The following RALGPS2 variants were observed in gnomAD, a reference collection of about 807,000 sequenced individuals.
The protein encoded by RALGPS2 is Ral GEF with PH domain and SH3 binding motif 2, also known as ras-specific guanine nucleotide-releasing factor RalGPS2.
In RALGPS2, 43 loss-of-function variants were observed where a neutral mutation model predicts 86.8. The observed-to-expected ratio is 0.50, with a 90% CI of 0.39 to 0.64. The LOEUF is 0.64. RALGPS2 is among the 30% of genes least tolerant of loss of function. The pLI is 0.00. For missense variants in RALGPS2, 536 were observed against 694.6 expected (o/e 0.77, Z 2.57); for synonymous variants, 243 against 231.3 (o/e 1.05, Z -0.46).
At position 178,892,270 on chromosome 1, in the gene RALGPS2, G is replaced by C. The variant is rs1479531913; in HGVS notation, c.1288G>C (p.Ala430Pro). 12 of 1,612,710 alleles carry C rather than the reference G, an allele frequency of 7.4e-6. No homozygotes were observed. In the Middle Eastern group the frequency reaches 5.0e-4, roughly 67 times the overall value. Reference sequence around the variant, plus strand: ...TTCTCTCGGCCCGGTGACAAGAGTGGCACGAAATGGCTATCGAAGTCACAT... The same window carrying C: ...TTCTCTCGGCCCGGTGACAAGAGTGCCACGAAATGGCTATCGAAGTCACAT... The part of the protein sequence containing the change: ...YHSLGPVTRV[A>P]RNGYRSHMKA... Residue 430 changes from alanine to proline, a missense_variant, in exon 15 of 20, where the codon GCA becomes CCA. Physicochemically the swap from Ala to Pro is conservative, Grantham distance 27 (BLOSUM62 -1). This residue lies in a region of RALGPS2 where 309 missense variants were observed against 363.0 expected (regional missense o/e 0.85). Coordinates refer to ENST00000367635, the MANE Select transcript of RALGPS2 (RefSeq NM_152663.5).
intron 1 of RALGPS2, among the ~76,000 whole-genome samples, chr1:178,759,250 A>C (rs1652109384): frequency 6.6e-6 from 1 of 152,120 alleles, no homozygotes; most frequent in Non-Finnish European, 1.5e-5. Context: ...TTTTTGTATA[A>C]GGTGAGAGTT....
At chr1:178,807,737 G>A (rs1462684518) in intron 4 of RALGPS2, among the ~76,000 whole-genome samples, 2 of 152,086 alleles carry the variant, frequency 1.3e-5, no homozygotes, top group Admixed American at 6.6e-5. Context: ...TGTATGTTGT[G>A]GGATGCTCAT....
At position 178,861,450 on chromosome 1, in the gene RALGPS2, GT is replaced by G. The variant is rs547749109; in HGVS notation, c.608-16037del. ...AGGTTTAATTCTGTAGCATTCGTGGGTTTTTTTTTTTGTACTAATGCTAAGT... is the reference window on the plus strand; with the variant it reads ...AGGTTTAATTCTGTAGCATTCGTGGGTTTTTTTTTTGTACTAATGCTAAGT... On this transcript the variant is annotated intron_variant, in intron 8 of 19. Coordinates refer to ENST00000367635, the MANE Select transcript of RALGPS2 (RefSeq NM_152663.5). 9.0e-3 allele frequency among the ~76,000 whole-genome samples: 1,293 copies of G among 144,316 alleles called. 11 individuals carry two copies. Among genetic ancestry groups the G allele is most frequent in the African/African-American group, 0.028 (1,097 of 39,714 alleles). The allele number at this position is 144,316 out of a possible 152,430, so 94.7% of individuals were successfully genotyped here. A position where few individuals can be genotyped will look rare whatever the true frequency, so the allele number is the denominator to read the frequency against.
At chr1:178,820,655 C>T (rs1431614908) in intron 6 of RALGPS2, among the ~76,000 whole-genome samples, 2 of 152,136 alleles carry the variant, frequency 1.3e-5, no homozygotes, top group African/African-American at 4.8e-5. Context: ...TTTCATGTCT[C>T]ACTAGACTGA....
chr1:178,837,548 G>A (rs138444221), intron 8 of RALGPS2, among the ~76,000 whole-genome samples: 190 of 152,254 alleles, frequency 1.2e-3, no homozygotes, highest in African/African-American at 3.9e-3. Context: ...AAAAGGCAGC[G>A]GGGAGGGTTC....
intron 17 of RALGPS2, among the ~76,000 whole-genome samples, chr1:178,898,407 C>G (rs1028690295): frequency 6.6e-6 from 1 of 151,884 alleles, no homozygotes; most frequent in Non-Finnish European, 1.5e-5. Flanking sequence ...AAATTTAAGT[C>G]CTTTTTCTAC....
intron 8 of RALGPS2, among the ~76,000 whole-genome samples, chr1:178,835,754 A>T (rs796578539): frequency 1.3e-5 from 2 of 152,300 alleles, no homozygotes; most frequent in South Asian, 4.1e-4. Context: ...AGAAAGGTAG[A>T]AGACCTGGCT....
At chr1:178,900,936 A>G (rs1197114014) in intron 17 of RALGPS2, among the ~76,000 whole-genome samples, 3 of 152,006 alleles carry the variant, frequency 2.0e-5, no homozygotes, top group Non-Finnish European at 4.4e-5. Flanking sequence ...TTGAGGTGGA[A>G]GTTTTTAGGC....
At chr1:178,752,313 T>C (rs1651721725) in intron 1 of RALGPS2, among the ~76,000 whole-genome samples, 1 of 136,584 alleles carries the variant, frequency 7.3e-6, no homozygotes, top group Non-Finnish European at 1.7e-5. Context: ...CCAGCTAATT[T>C]TTAATTTTTT....
intron 8 of RALGPS2, among the ~76,000 whole-genome samples, chr1:178,845,048 G>A (rs898795088): frequency 7.3e-5 from 11 of 151,462 alleles, no homozygotes; most frequent in Non-Finnish European, 1.6e-4. Flanking sequence ...TGGGTGTGGT[G>A]GCACACGCCT....
Position 178,848,632 on chromosome 1 carries a change from A to G in RALGPS2, c.607+15082A>G, listed in dbSNP as rs567968951. ...GCAAGTGAAGATAATGGATCAATGT[A>G]ATTTCATACCCGAAAACTTGGATAT... On this transcript the variant is annotated intron_variant, in intron 8 of 19. Coordinates refer to ENST00000367635, the MANE Select transcript of RALGPS2 (RefSeq NM_152663.5). 4.6e-5 allele frequency among the ~76,000 whole-genome samples: 7 copies of G among 152,304 alleles called. No individual in the cohort carries two copies. In the South Asian group the frequency reaches 1.2e-3, roughly 27 times the overall value.
At chr1:178,871,437 A>T (rs1345997803) in intron 8 of RALGPS2, among the ~76,000 whole-genome samples, 2 of 152,220 alleles carry the variant, frequency 1.3e-5, no homozygotes, top group Non-Finnish European at 2.9e-5. Flanking sequence ...TTAACAAAGA[A>T]CAAGAGCTAG....
intron 8 of RALGPS2, among the ~76,000 whole-genome samples, chr1:178,875,518 C>T (rs963312881): frequency 2.6e-5 from 4 of 152,028 alleles, no homozygotes; most frequent in East Asian, 3.9e-4. Context: ...GAGGCTGAGG[C>T]GGGTGGATCA....
chr1:178,784,594 G>A (rs771581872), intron 3 of RALGPS2, 72 bp downstream of exon 3: 3 of 1,182,416 alleles, frequency 2.5e-6, no homozygotes, highest in Non-Finnish European at 3.5e-6. Flanking sequence ...GTTAGAATTT[G>A]TAGGTCCAGC....
At position 178,880,036 on chromosome 1, in the gene RALGPS2, T is replaced by A. The variant is rs188119552; in HGVS notation, c.836+1044T>A. On this transcript the variant is annotated intron_variant, in intron 10 of 19. Coordinates refer to ENST00000367635, the MANE Select transcript of RALGPS2 (RefSeq NM_152663.5). The stretch of plus-strand genomic sequence containing the variant: ...TTTTAGCTTCATTTGTTACTTTTTT[T>A]AAAAAGTTTATTTAGCTTTATTATC... Among the ~76,000 whole-genome samples the A allele has an allele frequency of 6.3e-3, 957 of 152,260 alleles. 11 individuals carry two copies. The highest frequency in any genetic ancestry group is 0.021 in the African/African-American group (890 of 41,554).
At chr1:178,804,437 C>G (rs1654638548) in intron 4 of RALGPS2, among the ~76,000 whole-genome samples, 1 of 120,644 alleles carries the variant, frequency 8.3e-6, no homozygotes, top group African/African-American at 3.1e-5. Context: ...CTCCCCCCAC[C>G]CCACAACAGT....
intron 1 of RALGPS2, among the ~76,000 whole-genome samples, chr1:178,742,502 A>G (rs1651091816): frequency 6.6e-6 from 1 of 152,230 alleles, no homozygotes; most frequent in South Asian, 2.1e-4. Flanking sequence ...TCATATCCAC[A>G]ATTTGTGTTG....
chr1:178,730,242 C>T (rs1038886733), intron 1 of RALGPS2, among the ~76,000 whole-genome samples: 2 of 152,098 alleles, frequency 1.3e-5, no homozygotes. Flanking sequence ...ATGCCTGGCC[C>T]TGTTTTTCAG....
At chr1:178,840,369 A>G (rs1287928008) in intron 8 of RALGPS2, among the ~76,000 whole-genome samples, 3 of 152,236 alleles carry the variant, frequency 2.0e-5, no homozygotes, top group African/African-American at 4.8e-5. Flanking sequence ...GCTCAACTAC[A>G]TGGAAACTGA....
Sources: gnomAD v4.1 joint callset for allele counts (sites outside exome capture counted in the v4.1 genomes callset) on GRCh38, gnomAD v4.1.1 for gene constraint, gnomAD v4.1.1 regional missense constraint, MANE v1.5 for transcripts, NCBI Gene and HGNC (gene_info 2026-07-23, HGNC 2026-07-21) for gene names.